The following GMEB2 variants were observed in gnomAD, a reference collection of about 807,000 sequenced individuals.
The protein encoded by GMEB2 is glucocorticoid modulatory element-binding protein 2.
Under a neutral mutation model 45.7 loss-of-function variants are expected in GMEB2, and 7 were observed. That is an observed-to-expected ratio of 0.15 (90% CI 0.09 to 0.29). The LOEUF is 0.29. Ranked by LOEUF, GMEB2 falls within the 10% of genes least tolerant of loss-of-function variation. The pLI is 1.00. For synonymous variants in GMEB2, 322 were observed against 323.6 expected, an observed-to-expected ratio of 1.00 and a Z score of 0.05; for missense variants, 582 against 739.2, an observed-to-expected ratio of 0.79 and a Z score of 2.47.
chr20:63,592,077 G>T lies in GMEB2; in HGVS notation c.897C>A (p.Ala299=). The change falls in exon 9 of 10, where the codon GCC becomes GCA. Residue 299 remains alanine, a synonymous_variant. Transcript: ENST00000370077. The surrounding 1 kb of genome is among the most constrained non-coding windows in gnomAD (Gnocchi z 8.2). ...GMLDLVKKVL[A]SHKCQMDRSR... Reference sequence around the variant, plus strand: ...AGCGGTCCATCTGGCACTTGTGGCTGGCCAGCACCTTCTTCACCAGGTCCA... The same window carrying T: ...AGCGGTCCATCTGGCACTTGTGGCTTGCCAGCACCTTCTTCACCAGGTCCA... 3.1e-6 allele frequency: 5 copies of T among 1,613,496 alleles called. No homozygotes were observed. Among genetic ancestry groups the T allele is most frequent in the Non-Finnish European group, 4.2e-6 (5 of 1,179,742 alleles).
intron 2 of GMEB2, among the ~76,000 whole-genome samples, chr20:63,605,455 C>A (rs1338179288): frequency 2.7e-5 from 4 of 148,398 alleles, no homozygotes; most frequent in Non-Finnish European, 4.5e-5. Context: ...ATCACTTGAA[C>A]CCGAGAGGTG....
intron 2 of GMEB2, among the ~76,000 whole-genome samples, chr20:63,613,161 C>CA (rs2089583479): frequency 6.6e-6 from 1 of 152,198 alleles, no homozygotes; most frequent in African/African-American, 2.4e-5. Flanking sequence ...CAATCATAAA[C>CA]AGAGCAAGCA....
Position 63,592,979 on chromosome 20 carries a change from T to G in GMEB2, c.691+32A>C. On this transcript the variant is annotated intron_variant, in intron 7 of 9. Coordinates refer to ENST00000370077, the MANE Select transcript of GMEB2 (RefSeq NM_012384.5). The surrounding 1 kb of genome is among the most constrained non-coding windows in gnomAD (Gnocchi z 8.2). The stretch of plus-strand genomic sequence containing the variant: ...AGAGACTCCACCACCCCGCCAGGGC[T>G]TGTGAGAAGCCCACAAGGAGGAACC... 6.6e-7 allele frequency: 1 copy of G among 1,504,176 alleles called. No individual in the cohort carries two copies. The highest frequency in any genetic ancestry group is 9.2e-7 in the Non-Finnish European group (1 of 1,087,836). 93.2% of individuals were successfully genotyped at this position (1,504,176 alleles called of 1,614,324 possible).
chr20:63,622,893 G>C (rs994855734), intron 1 of GMEB2, among the ~76,000 whole-genome samples: 1 of 152,216 alleles, frequency 6.6e-6, no homozygotes, highest in East Asian at 1.9e-4. Flanking sequence ...GACCCCGCAC[G>C]CGTTACTGAC....
In GMEB2 at chr20:63,604,832, A is replaced by G; in HGVS notation, c.140T>C (p.Leu47Pro). Residue 47 changes from leucine (L) to proline (P), a missense_variant, in exon 3 of 10, where the codon CTG becomes CCG. Around this residue, in one of 3 missense-constraint regions of GMEB2, gnomAD observed 114 missense variants for 123.4 expected, o/e 0.92. Transcript: ENST00000370077. ...TTCTGTCTCCATGTTATCTTCCGTC[A>G]GGTCGCCCCTGGTGAAGTGAAGGGA... The part of the protein sequence containing the change: ...TTNLAPHGGD[L>P]TEDNMETENA... 1.2e-6 allele frequency: 2 copies of G among 1,604,028 alleles called. No individual in the cohort carries two copies. The highest frequency in any genetic ancestry group is 1.7e-6 in the Non-Finnish European group (2 of 1,170,852).
chr20:63,591,265 TACAC>T (rs965765742), intron 9 of GMEB2, among the ~76,000 whole-genome samples: 2 of 151,790 alleles, frequency 1.3e-5, no homozygotes, highest in Non-Finnish European at 2.9e-5. Flanking sequence ...ACACACTGAA[TACAC>T]ACACACTGAA....
intron 6 of GMEB2, 150 bp downstream of exon 6, chr20:63,595,460 A>T: frequency 1.5e-6 from 1 of 649,468 alleles, no homozygotes. Context: ...GAGGAGGCTG[A>T]TCCCAGACAA....
chr20:63,621,636 C>T (rs2089642662), intron 1 of GMEB2, among the ~76,000 whole-genome samples: 1 of 125,774 alleles, frequency 8.0e-6, no homozygotes, highest in Non-Finnish European at 1.6e-5. Context: ...CACTGCACTC[C>T]AGCCTGGGCA....
intron 2 of GMEB2, among the ~76,000 whole-genome samples, chr20:63,606,160 T>C (rs2089517331): frequency 6.6e-6 from 1 of 151,862 alleles, no homozygotes; most frequent in Non-Finnish European, 1.5e-5. Flanking sequence ...AAAACTAAAT[T>C]GTAGACAAAA....
intron 3 of GMEB2, 59 bp downstream of exon 3, chr20:63,604,684 G>A: frequency 1.1e-6 from 1 of 914,388 alleles, no homozygotes. Flanking sequence ...TTGAGTGCAG[G>A]ACTGTCCTGT....
chr20:63,605,234 GT>G (rs1425511146), intron 2 of GMEB2, among the ~76,000 whole-genome samples: 1 of 146,586 alleles, frequency 6.8e-6, no homozygotes, highest in Non-Finnish European at 1.5e-5. Flanking sequence ...GCGAGACTCT[GT>G]CTCAAAAAAC....
chr20:63,603,378 T>C (rs1016109412), intron 3 of GMEB2, among the ~76,000 whole-genome samples: 7 of 152,202 alleles, frequency 4.6e-5, no homozygotes, highest in Admixed American at 1.3e-4. Flanking sequence ...CAAACTTTAA[T>C]TGAAACAATT....
intron 1 of GMEB2, among the ~76,000 whole-genome samples, chr20:63,621,041 A>C (rs1398879867): frequency 6.6e-6 from 1 of 152,216 alleles, no homozygotes; most frequent in African/African-American, 2.4e-5. Flanking sequence ...TGAAAATTAA[A>C]AACGACAACC....
In GMEB2 at chr20:63,592,434, C is replaced by G; in HGVS notation, c.829+99G>C. On this transcript the variant is annotated intron_variant, in intron 8 of 9. Transcript: ENST00000370077. This position sits in a 1 kb window ranked among gnomAD's most constrained non-coding sequence, Gnocchi z 8.2. ...AGCCTAGATTCAGCCTCCAACCCAG[C>G]AGCACAGAAGGGCCTAGGGGCAGGA... is the stretch of plus-strand genomic sequence containing the variant. 1.1e-6 allele frequency: 1 copy of G among 909,598 alleles called. No individual in the cohort carries two copies. The highest frequency in any genetic ancestry group is 2.5e-5 in the East Asian group (1 of 39,800). 56.3% of individuals were successfully genotyped at this position (909,598 alleles called of 1,614,324 possible).
In GMEB2 at chr20:63,623,836, G is replaced by T. The variant is rs144000721; in HGVS notation, c.-58+3120C>A. ...CACTTTAAAATTTTACTCAGGCCAG[G>T]TGTGGTGGCTCACGCCCATAATCCT... On this transcript the variant is annotated intron_variant, in intron 1 of 9. Transcript: ENST00000370077. 3.9e-3 allele frequency among the ~76,000 whole-genome samples: 598 copies of T among 152,064 alleles called. 2 individuals are homozygous for T. Among genetic ancestry groups the T allele is most frequent in the African/African-American group, 0.014 (568 of 41,494 alleles).
intron 2 of GMEB2, among the ~76,000 whole-genome samples, chr20:63,618,808 G>A (rs575640143): frequency 7.9e-5 from 12 of 152,278 alleles, no homozygotes; most frequent in Middle Eastern, 6.8e-3. Flanking sequence ...TTCCACCTAC[G>A]GGCAGCAAAA....
chr20:63,609,278 CCA>C (rs1324700483), intron 2 of GMEB2, among the ~76,000 whole-genome samples: 3 of 35,318 alleles, frequency 8.5e-5, no homozygotes, highest in Admixed American at 2.1e-4. Flanking sequence ...CCCTCTGACC[CCA>C]CACATCCATT....
At position 63,592,169 on chromosome 20, in the gene GMEB2, G is replaced by C; in HGVS notation, c.830-25C>G. ...TCTTAAAGGGTAACGCGGACACTCA[G>C]TGAGAGCCCAAGCCCTTCCTAGAGA... On this transcript the variant is annotated intron_variant, in intron 8 of 9. Coordinates refer to ENST00000370077, the MANE Select transcript of GMEB2 (RefSeq NM_012384.5). The surrounding 1 kb of genome is among the most constrained non-coding windows in gnomAD (Gnocchi z 8.2). 1 of 1,607,116 alleles carries C rather than the reference G, an allele frequency of 6.2e-7. No individual in the cohort carries two copies. The highest frequency in any genetic ancestry group is 8.5e-7 in the Non-Finnish European group (1 of 1,176,676).
intron 1 of GMEB2, among the ~76,000 whole-genome samples, chr20:63,624,906 C>G (rs931982652): frequency 2.6e-5 from 4 of 151,744 alleles, no homozygotes; most frequent in Admixed American, 6.6e-5. Context: ...CGGGGTTTCA[C>G]CATGTTGGCC....
Sources: gnomAD v4.1 joint callset for allele counts (sites outside exome capture counted in the v4.1 genomes callset) on GRCh38, gnomAD v4.1.1 for gene constraint, gnomAD v4.1.1 regional missense constraint, Gnocchi (gnomAD v3.1) non-coding constraint, MANE v1.5 for transcripts, NCBI Gene and HGNC (gene_info 2026-07-23, HGNC 2026-07-21) for gene names.